The following ST6GALNAC1 variants were observed in gnomAD, a reference collection of about 807,000 sequenced individuals.
ST6GALNAC1 encodes ST6 N-acetylgalactosaminide alpha-2,6-sialyltransferase 1, also known as alpha-N-acetylgalactosaminide alpha-2,6-sialyltransferase 1.
ST6GALNAC1 carries 45 observed loss-of-function variants against 56.8 expected under a neutral mutation model. That is an observed-to-expected ratio of 0.79 (90% CI 0.62 to 1.02). The LOEUF (loss-of-function observed/expected upper bound fraction) is 1.02, where lower values mean the gene tolerates loss of function less well. Ranked by LOEUF, ST6GALNAC1 falls within the 50% of genes least tolerant of loss-of-function variation. The probability of loss-of-function intolerance (pLI) is 0.00; values close to 1 mark genes in which losing one functional copy is unlikely to be tolerated. For missense variants in ST6GALNAC1, 743 were observed against 754.8 expected (o/e 0.98, Z 0.18); for synonymous variants, 295 against 297.8 (o/e 0.99, Z 0.10).
chr17:76,636,079 G>C (rs1426139946), intron 1 of ST6GALNAC1, among the ~76,000 whole-genome samples: 1 of 152,152 alleles, frequency 6.6e-6, no homozygotes, highest in East Asian at 1.9e-4. Context: ...AGCAGAAACT[G>C]CCTTAAAACA....
downstream of ST6GALNAC1, chr17:76,624,612 A>G (rs2075771225): frequency 6.6e-6 from 1 of 152,366 alleles, no homozygotes; most frequent in African/African-American, 2.4e-5. Flanking sequence ...GATAGAGCTC[A>G]AAGGGTAAGG....
chr17:76,621,637 G>A (rs545369226), downstream of ST6GALNAC1, among the ~76,000 whole-genome samples: 334 of 152,034 alleles, frequency 2.2e-3, 2 homozygotes, highest in Middle Eastern at 6.8e-3. Context: ...CACCACACCC[G>A]GCTAATTTTT....
chr17:76,640,036 G>A (rs1323233301), intron 1 of ST6GALNAC1, among the ~76,000 whole-genome samples: 1 of 152,048 alleles, frequency 6.6e-6, no homozygotes, highest in African/African-American at 2.4e-5. Flanking sequence ...TAGTAAATGT[G>A]GTTTCTCTGG....
At position 76,629,451 on chromosome 17, in the gene ST6GALNAC1, T is replaced by A; in HGVS notation, c.392A>T (p.Lys131Ile). The change falls in exon 2 of 9, where the codon AAA becomes ATA. Residue 131 changes from lysine (K) to isoleucine (I), a missense_variant. By Grantham distance (102) the Lys-to-Ile change is moderately radical (BLOSUM62 -3). Transcript: ENST00000156626. ...RAAWKSPEKE[K>I]TMVNTLSPRG... ...GGGTGACAGTGTGTTCACCATGGTT[T>A]TCTCTTTTTCTGGGCTCTTCCATGC... 6.2e-7 allele frequency: 1 copy of A among 1,614,148 alleles called. No individual in the cohort carries two copies. The highest frequency in any genetic ancestry group is 8.5e-7 in the Non-Finnish European group (1 of 1,180,012).
At chr17:76,626,134 A>G (rs1367004140) in intron 6 of ST6GALNAC1, 39 bp from the exon 7 acceptor site, 1 of 1,605,682 alleles carries the variant, frequency 6.2e-7, no homozygotes, top group Non-Finnish European at 8.5e-7. Flanking sequence ...CAGCTCCCTT[A>G]CCTGGTCTGG....
chr17:76,631,783 G>T (rs2075904957), intron 1 of ST6GALNAC1, among the ~76,000 whole-genome samples: 1 of 152,028 alleles, frequency 6.6e-6, no homozygotes, highest in Non-Finnish European at 1.5e-5. Context: ...AGGGGTCTCG[G>T]TCACATACTA....
In ST6GALNAC1 at chr17:76,627,693, C is replaced by G. The variant is rs1013823997; in HGVS notation, c.832-110G>C. 2.1e-6 allele frequency: 2 copies of G among 938,786 alleles called. No individual in the cohort carries two copies. Among genetic ancestry groups the G allele is most frequent in the East Asian group, 4.8e-5 (2 of 41,436 alleles). 58.2% of individuals were successfully genotyped at this position (938,786 alleles called of 1,614,324 possible). A position where few individuals can be genotyped will look rare whatever the true frequency, so the allele number is the denominator to read the frequency against. On this transcript the variant is annotated intron_variant, in intron 2 of 8. Coordinates refer to ENST00000156626, the MANE Select transcript of ST6GALNAC1 (RefSeq NM_018414.5). The surrounding 1 kb of genome is among the most constrained non-coding windows in gnomAD (Gnocchi z 4.4). ...GCTCGCAGTTTGGAAGGCGCGGCCT[C>G]TGCTACCTCTTCCATTCTGTTCTCA...
chr17:76,617,664 G>A, the ST6GALNAC1 span, among the ~76,000 whole-genome samples: 812 of 152,084 alleles, frequency 5.3e-3, 11 homozygotes, highest in African/African-American at 0.016. Flanking sequence ...ACAGTTGCTC[G>A]GGAGGCTGAG....
At chr17:76,639,149 T>C (rs2076013998) in intron 1 of ST6GALNAC1, among the ~76,000 whole-genome samples, 1 of 152,218 alleles carries the variant, frequency 6.6e-6, no homozygotes. Context: ...CTCTAAAGTT[T>C]TTGAGAGCCA....
intron 1 of ST6GALNAC1, among the ~76,000 whole-genome samples, chr17:76,636,681 C>A (rs535708390): frequency 6.6e-6 from 1 of 151,972 alleles, no homozygotes; most frequent in East Asian, 1.9e-4. Context: ...GCCGCCGCCC[C>A]GTCTGGGAGG....
At chr17:76,643,483 G>C (rs777657851) in intron 1 of ST6GALNAC1, 25 bp downstream of exon 1, 1 of 1,612,134 alleles carries the variant, frequency 6.2e-7, no homozygotes, top group East Asian at 2.2e-5. Flanking sequence ...TGAAATATGA[G>C]GAGTGGAAAG....
intron 1 of ST6GALNAC1, among the ~76,000 whole-genome samples, chr17:76,632,066 G>C (rs1163008928): frequency 3.3e-5 from 5 of 152,066 alleles, no homozygotes; most frequent in South Asian, 2.1e-4. Context: ...CTAAGCTCAC[G>C]TGGGCCATTC....
chr17:76,633,137 C>A (rs575204620), intron 1 of ST6GALNAC1, among the ~76,000 whole-genome samples: 2 of 151,844 alleles, frequency 1.3e-5, no homozygotes, highest in Admixed American at 1.3e-4. Context: ...CGAACCTGGG[C>A]GGCAGAGGTT....
chr17:76,629,260 G>A lies in ST6GALNAC1; in HGVS notation c.583C>T (p.Leu195Phe), dbSNP rs150150157. 4.4e-5 allele frequency: 71 copies of A among 1,614,050 alleles called. 1 individual carries two copies. The highest frequency in any genetic ancestry group is 1.2e-4 in the African/African-American group (9 of 74,908). The part of the protein sequence containing the change: ...QGKAATTAKT[L>F]IPKSQHRMLA... ...ATTCTGTGCTGACTTTTGGGAATGAGCGTCTTGGCTGTGGTTGCCGCTTTG... is the reference window on the plus strand; with the variant it reads ...ATTCTGTGCTGACTTTTGGGAATGAACGTCTTGGCTGTGGTTGCCGCTTTG... Residue 195 changes from leucine to phenylalanine, a missense_variant, in exon 2 of 9, where the codon CTC (leucine) becomes TTC (phenylalanine). Coordinates refer to ENST00000156626, the MANE Select transcript of ST6GALNAC1 (RefSeq NM_018414.5).
At chr17:76,634,172 T>C (rs971027480) in intron 1 of ST6GALNAC1, among the ~76,000 whole-genome samples, 3 of 152,200 alleles carry the variant, frequency 2.0e-5, no homozygotes, top group African/African-American at 7.2e-5. Context: ...TATGTGGGAA[T>C]GGCTGGTCAC....
intron 2 of ST6GALNAC1, among the ~76,000 whole-genome samples, chr17:76,628,080 G>C (rs2075833593): frequency 8.2e-6 from 1 of 121,728 alleles, no homozygotes; most frequent in Non-Finnish European, 1.6e-5. Flanking sequence ...CTGGGCGACA[G>C]AGCGAGAGTC....
intron 2 of ST6GALNAC1, among the ~76,000 whole-genome samples, chr17:76,628,715 A>T (rs1487088205): frequency 1.3e-5 from 2 of 152,128 alleles, no homozygotes; most frequent in African/African-American, 2.4e-5. Context: ...CCCCAGATGG[A>T]TGACCTCCAG....
intron 1 of ST6GALNAC1, 104 bp downstream of exon 1, chr17:76,643,404 T>C (rs1318604757): frequency 2.4e-6 from 3 of 1,272,528 alleles, no homozygotes; most frequent in African/African-American, 3.0e-5. Context: ...CACTCCCATG[T>C]GGACACACAG....
intron 8 of ST6GALNAC1, 94 bp downstream of exon 8, chr17:76,625,725 C>A: frequency 8.1e-7 from 1 of 1,237,010 alleles, no homozygotes. Flanking sequence ...CAGATGTGGG[C>A]ACCCAGCCCA....
Sources: gnomAD v4.1 joint callset for allele counts (sites outside exome capture counted in the v4.1 genomes callset) on GRCh38, gnomAD v4.1.1 for gene constraint, Gnocchi (gnomAD v3.1) non-coding constraint, MANE v1.5 for transcripts, NCBI Gene and HGNC (gene_info 2026-07-23, HGNC 2026-07-21) for gene names.